Variants in SPICE1 observed in about 807,000 individuals in gnomAD.
SPICE1 encodes spindle and centriole associated protein 1.
In SPICE1, 75 loss-of-function variants were observed where a neutral mutation model predicts 102.7. That is an observed-to-expected ratio of 0.73 (90% confidence interval 0.61 to 0.88). SPICE1 has a LOEUF of 0.88. Ranked by LOEUF, SPICE1 falls within the 40% of genes least tolerant of loss-of-function variation. The pLI is 0.00. For synonymous variants in SPICE1, 308 were observed against 350.3 expected, an observed-to-expected ratio of 0.88 and a Z score of 1.35; for missense variants, 979 against 1,020.1, an observed-to-expected ratio of 0.96 and a Z score of 0.55.
At chr3:113,457,944 G>C (rs537991091) in intron 12 of SPICE1, among the ~76,000 whole-genome samples, 10 of 152,124 alleles carry the variant, frequency 6.6e-5, no homozygotes, top group African/African-American at 1.9e-4. Context: ...GGCTAAAATG[G>C]GTCATATTAA....
At chr3:113,486,926 A>T (rs2107488468) in intron 7 of SPICE1, among the ~76,000 whole-genome samples, 1 of 151,532 alleles carries the variant, frequency 6.6e-6, no homozygotes, top group East Asian at 1.9e-4. Flanking sequence ...GAATAAATTT[A>T]AAAACTAAGG....
rs1311946891 is a variant in SPICE1, at chr3:113,443,098, T to C, written c.*2209A>G. The stretch of plus-strand genomic sequence containing the variant: ...AAACATGGGGGAAATAGTGTATTTA[T>C]TTATTTATATACCAAAAAAAATTGG... On this transcript the variant is annotated 3_prime_UTR_variant, in exon 18 of 18. Coordinates refer to ENST00000295872, the MANE Select transcript of SPICE1 (RefSeq NM_144718.4). 2.0e-5 allele frequency: 3 copies of C among 152,198 alleles called. No homozygotes were observed. The highest frequency in any genetic ancestry group is 4.4e-5 in the Non-Finnish European group (3 of 68,038). 9.4% of individuals were successfully genotyped at this position (152,198 alleles called of 1,614,324 possible).
chr3:113,457,886 A>G (rs1576624231), intron 12 of SPICE1, among the ~76,000 whole-genome samples: 1 of 152,074 alleles, frequency 6.6e-6, no homozygotes, highest in Admixed American at 6.6e-5. Flanking sequence ...AGAATTTTTC[A>G]TTATTTGTTA....
Position 113,444,141 on chromosome 3 carries a change from G to A in SPICE1, c.*1166C>T, listed in dbSNP as rs185144458. 3.3e-5 allele frequency: 5 copies of A among 152,078 alleles called. No individual in the cohort carries two copies. The highest frequency in any genetic ancestry group is 7.4e-5 in the Non-Finnish European group (5 of 68,000). 9.4% of individuals were successfully genotyped at this position (152,078 alleles called of 1,614,324 possible). A position where few individuals can be genotyped will look rare whatever the true frequency, so the allele number is the denominator to read the frequency against. Reference sequence around the variant, plus strand: ...ATTCCTATCATAGAGCCAGGGAGCAGAGATCATTCAAAAAACAAGTTTAAA... The same window carrying A: ...ATTCCTATCATAGAGCCAGGGAGCAAAGATCATTCAAAAAACAAGTTTAAA... On this transcript the variant is annotated 3_prime_UTR_variant, in exon 18 of 18. Transcript: ENST00000295872.
intron 7 of SPICE1, among the ~76,000 whole-genome samples, chr3:113,472,211 G>A (rs887891542): frequency 2.0e-5 from 3 of 152,260 alleles, no homozygotes; most frequent in African/African-American, 7.2e-5. Flanking sequence ...CAAACTGCAA[G>A]GCGGCAGTGA....
chr3:113,489,378 A>G (rs949043714), intron 6 of SPICE1, among the ~76,000 whole-genome samples: 1 of 152,152 alleles, frequency 6.6e-6, no homozygotes, highest in Non-Finnish European at 1.5e-5. Context: ...TTCTTGAAAG[A>G]GTTGTTCCAC....
chr3:113,475,443 C>T (rs1483074895), intron 7 of SPICE1, among the ~76,000 whole-genome samples: 3 of 151,968 alleles, frequency 2.0e-5, no homozygotes, highest in South Asian at 2.1e-4. Flanking sequence ...ATGAGGCCAG[C>T]ATCATCCTGA....
At chr3:113,449,699 A>G (rs1243103146) in intron 15 of SPICE1, 1 of 152,298 alleles carries the variant, frequency 6.6e-6, no homozygotes, top group African/African-American at 2.4e-5. Flanking sequence ...AGCTTTTTCT[A>G]TTCCTGACAA....
chr3:113,445,313 T>C lies in SPICE1; in HGVS notation c.2562A>G (p.Val854=), dbSNP rs1935487446. The part of the protein sequence containing the change: ...EEGWFALSTH[V]S Reference sequence around the variant, plus strand: ...CAGTGAGACTTGACTTCACTTATGATACATGGGTAGAAAGAGCAAACCAGC... The same window carrying C: ...CAGTGAGACTTGACTTCACTTATGACACATGGGTAGAAAGAGCAAACCAGC... The change falls in exon 18 of 18, where the codon GTA becomes GTG. Residue 854 remains valine, a synonymous_variant. Coordinates refer to ENST00000295872, the MANE Select transcript of SPICE1 (RefSeq NM_144718.4). 1 of 1,612,688 alleles carries C rather than the reference T, an allele frequency of 6.2e-7. No homozygotes were observed. Among genetic ancestry groups the C allele is most frequent in the Non-Finnish European group, 8.5e-7 (1 of 1,179,230 alleles).
chr3:113,461,121 C>G (rs1365972311), intron 11 of SPICE1, among the ~76,000 whole-genome samples: 1 of 151,818 alleles, frequency 6.6e-6, no homozygotes, highest in Non-Finnish European at 1.5e-5. Context: ...TAAACTACCC[C>G]CAAGAGACAC....
intron 7 of SPICE1, among the ~76,000 whole-genome samples, chr3:113,482,174 C>T (rs894765186): frequency 1.3e-5 from 2 of 152,132 alleles, no homozygotes; most frequent in African/African-American, 4.8e-5. Context: ...TGATGATGAG[C>T]TTTTTTTCGT....
chr3:113,468,134 C>G lies in SPICE1; in HGVS notation c.1155+5G>C, dbSNP rs749910745. 2.5e-6 allele frequency: 4 copies of G among 1,613,974 alleles called. No homozygotes were observed. The highest frequency in any genetic ancestry group is 3.4e-6 in the Non-Finnish European group (4 of 1,179,914). On this transcript the variant is annotated splice_donor_5th_base_variant and intron_variant, in intron 10 of 17. Transcript: ENST00000295872. ...AAGAAGACTCTACTAACCTAATGTC[C>G]TTACCTCTTTAAGGTACCGAACCAG...
chr3:113,464,253 GTTGT>G (rs1936000628), intron 11 of SPICE1, among the ~76,000 whole-genome samples: 1 of 143,338 alleles, frequency 7.0e-6, no homozygotes, highest in Non-Finnish European at 1.5e-5. Flanking sequence ...TCAGTTTTTT[GTTGT>G]TTTTTTTTTT....
intron 2 of SPICE1, among the ~76,000 whole-genome samples, chr3:113,505,215 G>A (rs1440735028): frequency 3.3e-5 from 5 of 152,052 alleles, no homozygotes; most frequent in South Asian, 4.2e-4. Context: ...AAATTCATGC[G>A]TAAATGAACC....
At chr3:113,455,885 A>G (rs1935768254) in intron 13 of SPICE1, among the ~76,000 whole-genome samples, 1 of 152,234 alleles carries the variant, frequency 6.6e-6, no homozygotes, top group African/African-American at 2.4e-5. Context: ...CAGAGTAAAC[A>G]TATTTATTGT....
At chr3:113,491,707 A>G (rs946778678) in intron 6 of SPICE1, among the ~76,000 whole-genome samples, 4 of 149,646 alleles carry the variant, frequency 2.7e-5, no homozygotes, top group Admixed American at 2.0e-4. Flanking sequence ...CTGCTTATCT[A>G]TTCAGGTATC....
In SPICE1 at chr3:113,469,217, T is replaced by G; in HGVS notation, c.633A>C (p.Glu211Asp). The G allele has an allele frequency of 6.3e-7, 1 of 1,582,452 alleles. No homozygotes were observed. The highest frequency in any genetic ancestry group is 8.6e-7 in the Non-Finnish European group (1 of 1,163,252). Residue 211 changes from glutamate (E) to aspartate (D), a missense_variant, in exon 8 of 18, where the codon GAA becomes GAC. Glu to Asp is a conservative substitution (Grantham distance 45, BLOSUM62 2). Transcript: ENST00000295872. Reference protein sequence around the residue: ...NTDRFLQQLTEENFELISKLW... With the variant: ...NTDRFLQQLTDENFELISKLW... ...ACTTACTAATTAACTCAAAATTCTC[T>G]TCTGTTAGTTGTTGGAGAAACCTAT...
Position 113,499,476 on chromosome 3 carries a change from A to C in SPICE1, c.254T>G (p.Leu85Ter). The stretch of plus-strand genomic sequence containing the variant: ...AGACAATCTTCTTTTCTCAAGATTT[A>C]AAGTTTCTGGTTTCTGCTTCCTCCA... ...RKWRKQKPET[L>*]NLEKRRLSIM... Residue 85 changes from leucine to a stop codon, truncating the protein, a stop_gained, in exon 4 of 18, where the codon TTA becomes TGA. Coordinates refer to ENST00000295872, the MANE Select transcript of SPICE1 (RefSeq NM_144718.4). LOFTEE classifies it high-confidence loss of function. The C allele has an allele frequency of 6.2e-7, 1 of 1,613,354 alleles. No homozygotes were observed. The highest frequency in any genetic ancestry group is 8.5e-7 in the Non-Finnish European group (1 of 1,179,792).
chr3:113,469,652 A>G (rs1396628377), intron 7 of SPICE1, among the ~76,000 whole-genome samples: 1 of 151,780 alleles, frequency 6.6e-6, no homozygotes, highest in East Asian at 1.9e-4. Flanking sequence ...AGTAATTCAT[A>G]GTCAAAGAAA....
Sources: allele counts gnomAD v4.1 joint callset (sites outside exome capture counted in the v4.1 genomes callset), GRCh38; gene constraint gnomAD v4.1.1; transcripts MANE v1.5; gene names NCBI Gene and HGNC (gene_info 2026-07-23, HGNC 2026-07-21).